Variants in TMTC2 observed in about 807,000 individuals in gnomAD.
The protein encoded by TMTC2 is protein O-mannosyl-transferase TMTC2.
Under a neutral mutation model 82.4 loss-of-function variants are expected in TMTC2, and 43 were observed. The ratio of observed to expected loss-of-function variants is 0.52; its 90% CI spans 0.41 to 0.67. The LOEUF (loss-of-function observed/expected upper bound fraction) is 0.67, where lower values mean the gene tolerates loss of function less well. TMTC2 is among the 30% of genes least tolerant of loss of function. The pLI is 0.00. For missense variants in TMTC2, 919 were observed against 1,012.4 expected (o/e 0.91, Z 1.25); for synonymous variants, 408 against 381.9 (o/e 1.07, Z -0.80).
chr12:82,704,823 C>T (rs1055132151), intron 1 of TMTC2, among the ~76,000 whole-genome samples: 10 of 151,748 alleles, frequency 6.6e-5, no homozygotes, highest in African/African-American at 2.2e-4. Flanking sequence ...ATTAAGAAAG[C>T]AACAAAAATT....
chr12:82,965,683 G>A lies in TMTC2; in HGVS notation c.1808G>A (p.Ser603Asn), dbSNP rs752148359. Residue 603 changes from serine to asparagine, a missense_variant, in exon 6 of 12, where the codon AGC becomes AAC. By Grantham distance (46) the Ser-to-Asn change is conservative. Transcript: ENST00000321196. ...CTAAAGGACCCTCATGCACACAAGA[G>A]CTCTGTTACCAGTTGTTTGTACAAC... ...ENLKDPHAHKSSVTSCLYNLG... is the reference protein window; with the variant it reads ...ENLKDPHAHKNSVTSCLYNLG... The A allele has an allele frequency of 6.2e-7, 1 of 1,613,716 alleles. No individual in the cohort carries two copies. Among genetic ancestry groups the A allele is most frequent in the Non-Finnish European group, 8.5e-7 (1 of 1,179,828 alleles).
chr12:82,869,838 CAA>C (rs554323207), intron 2 of TMTC2, among the ~76,000 whole-genome samples: 1 of 123,326 alleles, frequency 8.1e-6, no homozygotes. Flanking sequence ...GACCCTGTCT[CAA>C]AAAAAAAAAT....
chr12:82,752,276 G>C (rs1319378978), intron 1 of TMTC2, among the ~76,000 whole-genome samples: 2 of 151,774 alleles, frequency 1.3e-5, no homozygotes, highest in African/African-American at 4.8e-5. Context: ...CCTGAGGTCA[G>C]GAGTTTGAGA....
rs567322455 is a variant in TMTC2 at position 82,779,898 on chromosome 12, C to CA, written c.84-77102dup. Among the ~76,000 whole-genome samples, 334 of 148,088 alleles carry CA rather than the reference C, an allele frequency of 2.3e-3. 7 individuals are homozygous for CA. The highest frequency in any genetic ancestry group is 0.012 in the East Asian group (63 of 5,058). On this transcript the variant is annotated intron_variant, in intron 1 of 11. Coordinates refer to ENST00000321196, the MANE Select transcript of TMTC2 (RefSeq NM_152588.3). Reference sequence around the variant, plus strand: ...TGGGCAACAGAGCGAGACTCCGTCTCAAAAAAAAAATAGCCATAGTTCTCA... The same window carrying CA: ...TGGGCAACAGAGCGAGACTCCGTCTCAAAAAAAAAAATAGCCATAGTTCTCA...
intron 1 of TMTC2, among the ~76,000 whole-genome samples, chr12:82,747,675 C>A (rs1348389824): frequency 6.6e-6 from 1 of 152,168 alleles, no homozygotes; most frequent in Non-Finnish European, 1.5e-5. Flanking sequence ...GAGTATTGTT[C>A]CTTCTAACAA....
intron 1 of TMTC2, among the ~76,000 whole-genome samples, chr12:82,741,142 G>C (rs1037488645): frequency 1.2e-4 from 19 of 152,276 alleles, no homozygotes; most frequent in African/African-American, 4.6e-4. Flanking sequence ...TGAGGCCTAA[G>C]CCTAAACTCT....
intron 2 of TMTC2, among the ~76,000 whole-genome samples, chr12:82,895,542 A>G (rs1034789032): frequency 6.6e-6 from 1 of 152,198 alleles, no homozygotes; most frequent in Non-Finnish European, 1.5e-5. Context: ...AGAGGTCACA[A>G]AATTGAAGCT....
chr12:83,063,396 T>C (rs1882811618), intron 11 of TMTC2, among the ~76,000 whole-genome samples: 1 of 151,866 alleles, frequency 6.6e-6, no homozygotes, highest in South Asian at 2.1e-4. Flanking sequence ...TTTCAAGAAT[T>C]GATAGGCAGT....
chr12:82,995,272 G>A (rs1879566820), intron 8 of TMTC2, among the ~76,000 whole-genome samples: 1 of 151,980 alleles, frequency 6.6e-6, no homozygotes, highest in Non-Finnish European at 1.5e-5. Context: ...TCAAGTAGTT[G>A]GGCCAATGCT....
At chr12:82,692,749 G>C (rs1287979618) in intron 1 of TMTC2, among the ~76,000 whole-genome samples, 2 of 152,144 alleles carry the variant, frequency 1.3e-5, no homozygotes, top group African/African-American at 4.8e-5. Flanking sequence ...CCAAGGAAAG[G>C]AACGGTGGGT....
chr12:83,020,963 C>T (rs1836248), intron 8 of TMTC2, among the ~76,000 whole-genome samples: 89,969 of 151,922 alleles, frequency 0.59, 27,164 homozygotes, highest in South Asian at 0.73. Flanking sequence ...AAAGCAACAG[C>T]TCAGTTTGAA....
At chr12:82,797,495 A>G (rs1232526994) in intron 1 of TMTC2, among the ~76,000 whole-genome samples, 3 of 152,150 alleles carry the variant, frequency 2.0e-5, no homozygotes, top group Non-Finnish European at 1.5e-5. Flanking sequence ...CTCCTGATAC[A>G]TGGTGTTTTA....
intron 8 of TMTC2, among the ~76,000 whole-genome samples, chr12:83,029,144 T>G (rs1047989629): frequency 1.3e-5 from 2 of 151,036 alleles, no homozygotes; most frequent in Admixed American, 1.3e-4. Flanking sequence ...GTTTTGTTTT[T>G]AATGACGGAA....
intron 2 of TMTC2, among the ~76,000 whole-genome samples, chr12:82,873,198 C>T (rs562460501): frequency 7.1e-6 from 1 of 141,684 alleles, no homozygotes; most frequent in Non-Finnish European, 1.5e-5. Context: ...GGATTTTGGC[C>T]CTGTTTCAAA....
chr12:83,032,814 G>A (rs568378850), intron 9 of TMTC2, among the ~76,000 whole-genome samples: 105 of 152,182 alleles, frequency 6.9e-4, no homozygotes, highest in African/African-American at 2.4e-3. Context: ...ACCTGCTTTG[G>A]CCTCCCAAAT....
chr12:83,105,890 A>G (rs757327300), intron 11 of TMTC2, among the ~76,000 whole-genome samples: 40 of 152,238 alleles, frequency 2.6e-4, no homozygotes, highest in Non-Finnish European at 4.6e-4. Context: ...GGAAGTAATC[A>G]CCATGAATGG....
At chr12:82,791,783 T>C (rs1277544331) in intron 1 of TMTC2, among the ~76,000 whole-genome samples, 1 of 152,136 alleles carries the variant, frequency 6.6e-6, no homozygotes, top group African/African-American at 2.4e-5. Flanking sequence ...AACCTGCCAG[T>C]GATTTTGAGA....
At chr12:83,060,973 A>G (rs954854383) in intron 10 of TMTC2, among the ~76,000 whole-genome samples, 4 of 151,796 alleles carry the variant, frequency 2.6e-5, no homozygotes, top group African/African-American at 4.8e-5. Flanking sequence ...TTTGAAGGCT[A>G]TGGGAGCTAC....
At chr12:83,095,233 T>TTTTTTTTG in intron 11 of TMTC2, among the ~76,000 whole-genome samples, 1 of 142,046 alleles carries the variant, frequency 7.0e-6, no homozygotes, top group South Asian at 2.2e-4. Flanking sequence ...TTTTTTTGTT[T>TTTTTTTTG]TTTTTTTTGT....
Sources: gnomAD v4.1 joint callset for allele counts (sites outside exome capture counted in the v4.1 genomes callset) on GRCh38, gnomAD v4.1.1 for gene constraint, MANE v1.5 for transcripts, NCBI Gene and HGNC (gene_info 2026-07-23, HGNC 2026-07-21) for gene names.